The following MOK variants were observed in gnomAD, a reference collection of about 807,000 sequenced individuals.
The protein encoded by MOK is MOK protein kinase.
Under a neutral mutation model 54.2 loss-of-function variants are expected in MOK, and 59 were observed. The observed-to-expected ratio is 1.09, with a 90% CI of 0.88 to 1.35. The LOEUF (loss-of-function observed/expected upper bound fraction) is 1.35. Among genes scored for constraint, MOK ranks in the 40% most tolerant of loss-of-function variants. MOK has a pLI of 0.00. For missense variants in MOK, 517 were observed against 526.2 expected, an observed-to-expected ratio of 0.98 and a Z score of 0.17; for synonymous variants, 210 against 202.7, an observed-to-expected ratio of 1.04 and a Z score of -0.31.
chr14:102,279,223 ACT>A (rs1268775106), intron 2 of MOK, among the ~76,000 whole-genome samples: 3 of 151,944 alleles, frequency 2.0e-5, no homozygotes, highest in African/African-American at 7.3e-5. Flanking sequence ...TTTTTAAGAG[ACT>A]CACTCCATTT....
intron 4 of MOK, among the ~76,000 whole-genome samples, 197 bp from the exon 5 acceptor site, chr14:102,252,192 C>T (rs532684670): frequency 1.3e-5 from 2 of 152,192 alleles, no homozygotes; most frequent in East Asian, 1.9e-4. Flanking sequence ...TGGCCAGGGG[C>T]GGTGGCTCAC....
At chr14:102,271,657 C>T (rs992075444) in intron 2 of MOK, among the ~76,000 whole-genome samples, 3 of 151,164 alleles carry the variant, frequency 2.0e-5, no homozygotes, top group Non-Finnish European at 2.9e-5. Context: ...CTCCAGGGTT[C>T]AAGCCATACT....
At chr14:102,224,551 C>CTAT (rs1555412100), downstream of MOK, 4 of 455,966 alleles carry the variant, frequency 8.8e-6, no homozygotes, top group African/African-American at 6.0e-5. Flanking sequence ...TGTCTGAAAC[C>CTAT]TATTTCTCTA....
Position 102,287,557 on chromosome 14 carries a change from T to C in MOK, c.8-3965A>G, listed in dbSNP as rs138658099. Among the ~76,000 whole-genome samples, 98 of 152,256 alleles carry C rather than the reference T, an allele frequency of 6.4e-4. 1 individual carries two copies. Among genetic ancestry groups the C allele is most frequent in the African/African-American group, 2.2e-3 (93 of 41,562 alleles). ...ATACAAAGACAATCCAACTAAAAGG[T>C]GATCAAAAGATTTGACAGATATTTC... On this transcript the variant is annotated intron_variant, in intron 1 of 11. Transcript: ENST00000361847.
rs760802570 is a variant in MOK, at chr14:102,236,285, C to T, written c.591-2496G>A. Among the ~76,000 whole-genome samples the T allele has an allele frequency of 1.1e-4, 17 of 152,234 alleles. No individual in the cohort carries two copies. The highest frequency in any genetic ancestry group is 3.4e-4 in the African/African-American group (14 of 41,460). On this transcript the variant is annotated intron_variant, in intron 7 of 11. Coordinates refer to ENST00000361847, the MANE Select transcript of MOK (RefSeq NM_014226.3). This position sits in a 1 kb window ranked among gnomAD's most constrained non-coding sequence, Gnocchi z 4.5. ...TGCATTGGAGCCCAGGGTAACTCTG[C>T]GAGTAGCAGGTAAGCCGATCTCTTT... is the stretch of plus-strand genomic sequence containing the variant.
intron 7 of MOK, among the ~76,000 whole-genome samples, chr14:102,248,317 G>C (rs779487464): frequency 5.3e-5 from 8 of 152,066 alleles, no homozygotes; most frequent in Non-Finnish European, 1.2e-4. Context: ...TCACCTGTCA[G>C]ACCTTGCTGT....
intron 1 of MOK, among the ~76,000 whole-genome samples, chr14:102,304,433 T>A (rs940238810): frequency 3.9e-5 from 6 of 152,184 alleles, no homozygotes; most frequent in African/African-American, 1.4e-4. Flanking sequence ...GCTTCAAAAC[T>A]ACTATTAAAA....
At chr14:102,287,105 T>C (rs2070206535) in intron 1 of MOK, among the ~76,000 whole-genome samples, 1 of 152,044 alleles carries the variant, frequency 6.6e-6, no homozygotes, top group Non-Finnish European at 1.5e-5. Flanking sequence ...AACTAAATAC[T>C]CCTCCCCCAG....
At chr14:102,243,343 T>G (rs1261224735) in intron 7 of MOK, among the ~76,000 whole-genome samples, 5 of 152,142 alleles carry the variant, frequency 3.3e-5, no homozygotes, top group Non-Finnish European at 7.4e-5. Context: ...ATCCCAACCC[T>G]TTTTCATTAC....
At chr14:102,278,979 A>T (rs546855023) in intron 2 of MOK, among the ~76,000 whole-genome samples, 1 of 152,222 alleles carries the variant, frequency 6.6e-6, no homozygotes, top group Non-Finnish European at 1.5e-5. Context: ...CCTCACAACA[A>T]TCTTATGGGG....
chr14:102,264,844 A>G (rs999167535), intron 3 of MOK, among the ~76,000 whole-genome samples: 1 of 152,234 alleles, frequency 6.6e-6, no homozygotes, highest in African/African-American at 2.4e-5. Flanking sequence ...CTCCGGAGCC[A>G]CAGCGAAGCT....
chr14:102,276,452 G>A (rs549153364), intron 2 of MOK, among the ~76,000 whole-genome samples: 1 of 152,100 alleles, frequency 6.6e-6, no homozygotes, highest in Non-Finnish European at 1.5e-5. Flanking sequence ...TAGCCAGCCT[G>A]GGTGATAGAG....
At chr14:102,251,375 A>C in intron 6 of MOK, 1 of 389,244 alleles carries the variant, frequency 2.6e-6, no homozygotes, top group Non-Finnish European at 4.9e-6. Context: ...AGCCAGTGAC[A>C]GGTGCTGGGA....
At chr14:102,276,652 G>A (rs1265137498) in intron 2 of MOK, among the ~76,000 whole-genome samples, 2 of 151,930 alleles carry the variant, frequency 1.3e-5, no homozygotes, top group African/African-American at 4.8e-5. Context: ...TTAGCCGGGT[G>A]TGATGGTGCA....
downstream of MOK, among the ~76,000 whole-genome samples, chr14:102,221,147 C>T (rs117679726): frequency 6.6e-5 from 10 of 152,190 alleles, no homozygotes; most frequent in Admixed American, 2.0e-4. The surrounding 1 kb of genome is among the most constrained non-coding windows in gnomAD (Gnocchi z 4.8). Context: ...CCTGGAGCAG[C>T]ACTCACCTCC....
intron 1 of MOK, among the ~76,000 whole-genome samples, chr14:102,297,158 C>T (rs2071517212): frequency 1.3e-5 from 2 of 152,058 alleles, no homozygotes; most frequent in South Asian, 2.1e-4. Flanking sequence ...GAGATCAAGA[C>T]CATCCTGGCT....
At chr14:102,234,949 C>T (rs1016331152) in intron 7 of MOK, 3 of 152,414 alleles carry the variant, frequency 2.0e-5, no homozygotes, top group Non-Finnish European at 2.9e-5. Context: ...GCTCCAAACC[C>T]GACTCACCTC....
chr14:102,222,990 G>C, downstream of MOK: 1 of 1,374,752 alleles, frequency 7.3e-7, no homozygotes, highest in Non-Finnish European at 1.0e-6. The surrounding 1 kb of genome is among the most constrained non-coding windows in gnomAD (Gnocchi z 4.4). Flanking sequence ...ACCTCAGGCG[G>C]TGGACGTCGG....
chr14:102,287,087 A>G (rs1039318161), intron 1 of MOK, among the ~76,000 whole-genome samples: 4 of 152,212 alleles, frequency 2.6e-5, no homozygotes, highest in African/African-American at 9.6e-5. Flanking sequence ...TTATTTCAAA[A>G]TAACAAAAAC....
Sources: allele counts gnomAD v4.1 joint callset (sites outside exome capture counted in the v4.1 genomes callset), GRCh38; gene constraint gnomAD v4.1.1; non-coding constraint Gnocchi (gnomAD v3.1); transcripts MANE v1.5; gene names NCBI Gene and HGNC (gene_info 2026-07-23, HGNC 2026-07-21).